The following AGMAT variants were observed in gnomAD, a reference collection of about 807,000 sequenced individuals.
AGMAT encodes the protein agmatinase (putative).
A neutral mutation model predicts 29.3 loss-of-function variants in AGMAT; 37 were observed. The ratio of observed to expected loss-of-function variants is 1.26; its 90% confidence interval spans 0.97 to 1.66. AGMAT has a LOEUF of 1.66. Ranked by LOEUF, AGMAT falls within the 40% of genes most tolerant of loss-of-function variation. The probability of loss-of-function intolerance (pLI) is 0.00; values close to 1 mark genes in which losing one functional copy is unlikely to be tolerated. For missense variants in AGMAT, 498 were observed against 497.8 expected, an observed-to-expected ratio of 1.00 and a Z score of 0.00; for synonymous variants, 199 against 200.8, an observed-to-expected ratio of 0.99 and a Z score of 0.08.
Position 15,584,816 on chromosome 1 carries a change from G to T in AGMAT, c.152C>A (p.Ala51Asp). 7.1e-7 allele frequency: 1 copy of T among 1,411,722 alleles called. No homozygotes were observed. The highest frequency in any genetic ancestry group is 9.2e-7 in the Non-Finnish European group (1 of 1,085,922). The allele number at this position is 1,411,722 out of a possible 1,614,324, so 87.4% of individuals were successfully genotyped here. Residue 51 changes from alanine (A) to aspartate (D), a missense_variant, in exon 1 of 7, where the codon GCC (alanine) becomes GAC (aspartate). Coordinates refer to ENST00000375826, the MANE Select transcript of AGMAT (RefSeq NM_024758.5). ...RNQPPSPEFV[A>D]RPVGVCSMMR... ...CATGGAGCAGACGCCCACCGGCCGGGCCACGAACTCGGGGCTGGGGGGCTG... is the reference window on the plus strand; with the variant it reads ...CATGGAGCAGACGCCCACCGGCCGGTCCACGAACTCGGGGCTGGGGGGCTG...
Position 15,574,818 on chromosome 1 carries a change from A to G in AGMAT, c.924T>C (p.Cys308=), listed in dbSNP as rs750526186. ...CACAGCCCATCACGTTCAGGCCTTG[A>G]CAACCCCTGATGATCTCCAGAGCCT... is the stretch of plus-strand genomic sequence containing the variant. ...PSQALEIIRG[C]QGLNVMGCDL... is the part of the protein sequence containing the mutation. The change falls in exon 6 of 7, where the codon TGT becomes TGC. Residue 308 remains cysteine, a synonymous_variant. Coordinates refer to ENST00000375826, the MANE Select transcript of AGMAT (RefSeq NM_024758.5). 1.2e-6 allele frequency: 2 copies of G among 1,613,982 alleles called. No homozygotes were observed. Among genetic ancestry groups the G allele is most frequent in the Non-Finnish European group, 1.7e-6 (2 of 1,179,846 alleles).
In AGMAT at chr1:15,584,867, C is replaced by A; in HGVS notation, c.101G>T (p.Arg34Leu). Residue 34 changes from arginine to leucine, a missense_variant, in exon 1 of 7, where the codon CGC (arginine) becomes CTC (leucine). Coordinates refer to ENST00000375826, the MANE Select transcript of AGMAT (RefSeq NM_024758.5). ...GLFHPGRRQS[R>L]QASDAPRNQP... ...GTTCCGGGGCGCGTCGGAAGCCTGG[C>A]GGCTCTGGCGGCGCCCCGGATGAAA... The A allele has an allele frequency of 7.1e-7, 1 of 1,409,496 alleles. No individual in the cohort carries two copies. Among genetic ancestry groups the A allele is most frequent in the Non-Finnish European group, 9.2e-7 (1 of 1,087,694 alleles). 87.3% of individuals were successfully genotyped at this position (1,409,496 alleles called of 1,614,324 possible).
intron 6 of AGMAT, 139 bp from the exon 7 acceptor site, chr1:15,573,863 G>C (rs1638995456): frequency 3.1e-6 from 2 of 641,904 alleles, no homozygotes; most frequent in Admixed American, 5.6e-5. Flanking sequence ...GTGCCCGCCA[G>C]CTGTGAACAC....
rs771196431 is a variant in AGMAT at position 15,584,848 on chromosome 1, G to A, written c.120C>T (p.Pro40=). Residue 40 remains proline, a synonymous_variant, in exon 1 of 7, where the codon CCC becomes CCT. Coordinates refer to ENST00000375826, the MANE Select transcript of AGMAT (RefSeq NM_024758.5). ...RRQSRQASDA[P]RNQPPSPEFV... ...ACTCGGGGCTGGGGGGCTGGTTCCG[G>A]GGCGCGTCGGAAGCCTGGCGGCTCT... is the stretch of plus-strand genomic sequence containing the variant. The A allele has an allele frequency of 2.1e-6, 3 of 1,429,124 alleles. No individual in the cohort carries two copies. Among genetic ancestry groups the A allele is most frequent in the Non-Finnish European group, 2.7e-6 (3 of 1,096,620 alleles). The allele number at this position is 1,429,124 out of a possible 1,614,324, so 88.5% of individuals were successfully genotyped here. A position where few individuals can be genotyped will look rare whatever the true frequency, so the allele number is the denominator to read the frequency against.
chr1:15,583,401 G>A lies in AGMAT; in HGVS notation c.273-6C>T. On this transcript the variant is annotated splice_polypyrimidine_tract_variant and splice_region_variant and intron_variant, in intron 1 of 6. Transcript: ENST00000375826. Reference sequence around the variant, plus strand: ...GGATGCGGCGAGGTCCGAATCTGCAGAAGGAAGAATCATCCTGTCAGCCAT... The same window carrying A: ...GGATGCGGCGAGGTCCGAATCTGCAAAAGGAAGAATCATCCTGTCAGCCAT... 1 of 1,608,380 alleles carries A rather than the reference G, an allele frequency of 6.2e-7. No individual in the cohort carries two copies. Among genetic ancestry groups the A allele is most frequent in the Admixed American group, 1.7e-5 (1 of 59,488 alleles).
rs201546181 is a variant in AGMAT at position 15,578,959 on chromosome 1, C to T, written c.620G>A (p.Arg207Gln). The T allele has an allele frequency of 6.2e-6, 10 of 1,614,170 alleles. No individual in the cohort carries two copies. The highest frequency in any genetic ancestry group is 2.7e-5 in the African/African-American group (2 of 75,040). ...GTCCAGGAGACCCTCATCCACACAC[C>T]GGCGGAAGGGCGCCCCGTGGTAGAG... is the stretch of plus-strand genomic sequence containing the variant. ...EKLYHGAPFR[R>Q]CVDEGLLDCK... The change falls in exon 4 of 7, where the codon CGG becomes CAG. Residue 207 changes from arginine to glutamine, a missense_variant. Arg to Gln is a conservative substitution (Grantham distance 43). Coordinates refer to ENST00000375826, the MANE Select transcript of AGMAT (RefSeq NM_024758.5).
intron 3 of AGMAT, 58 bp from the exon 4 acceptor site, chr1:15,579,112 AC>A: frequency 6.5e-7 from 1 of 1,538,680 alleles, no homozygotes; most frequent in Non-Finnish European, 8.8e-7. Flanking sequence ...TAGCACAGCC[AC>A]CCTTCGGGCC....
chr1:15,583,127 C>G, intron 2 of AGMAT, 66 bp downstream of exon 2: 3 of 1,436,462 alleles, frequency 2.1e-6, no homozygotes, highest in Non-Finnish European at 2.8e-6. Context: ...TACTCAAGCC[C>G]CTGAGTACAG....
At chr1:15,573,873 C>G in intron 6 of AGMAT, 149 bp from the exon 7 acceptor site, 1 of 613,240 alleles carries the variant, frequency 1.6e-6, no homozygotes, top group Non-Finnish European at 2.9e-6. Context: ...GCTGTGAACA[C>G]GCTTGCCCAG....
chr1:15,580,815 A>G (rs1639103907), intron 2 of AGMAT, among the ~76,000 whole-genome samples: 1 of 151,950 alleles, frequency 6.6e-6, no homozygotes, highest in African/African-American at 2.4e-5. Flanking sequence ...GTCTCTACTG[A>G]AAATACAAAA....
chr1:15,578,558 G>T (rs1406340253), intron 4 of AGMAT, among the ~76,000 whole-genome samples: 1 of 151,980 alleles, frequency 6.6e-6, no homozygotes, highest in African/African-American at 2.4e-5. Context: ...GCCTCCCAAA[G>T]TGCTGGGATT....
chr1:15,583,227 T>A lies in AGMAT; in HGVS notation c.441A>T (p.Lys147Asn). 6.2e-7 allele frequency: 1 copy of A among 1,614,072 alleles called. No homozygotes were observed. The highest frequency in any genetic ancestry group is 8.5e-7 in the Non-Finnish European group (1 of 1,180,020). The change falls in exon 2 of 7, where the codon AAA becomes AAT. Residue 147 changes from lysine to asparagine, a missense_variant. Coordinates refer to ENST00000375826, the MANE Select transcript of AGMAT (RefSeq NM_024758.5). Reference sequence around the variant, plus strand: ...GAGGAATACAGCCAGCTGCTACAATTTTCTCATAGGCCTCTTGAATTCGCC... The same window carrying A: ...GAGGAATACAGCCAGCTGCTACAATATTCTCATAGGCCTCTTGAATTCGCC... Reference protein sequence around the residue: ...SCRRIQEAYEKIVAAGCIPLT... With the variant: ...SCRRIQEAYENIVAAGCIPLT...
rs761398248 is a variant in AGMAT at position 15,576,516 on chromosome 1, G to A, written c.900+1169C>T. On this transcript the variant is annotated intron_variant, in intron 5 of 6. Coordinates refer to ENST00000375826, the MANE Select transcript of AGMAT (RefSeq NM_024758.5). ...ACGATCTCAGCTCACTGCAACCTCCGCCTCCAGGGTTCAAGCAATTCTCCT... is the reference window on the plus strand; with the variant it reads ...ACGATCTCAGCTCACTGCAACCTCCACCTCCAGGGTTCAAGCAATTCTCCT... Among the ~76,000 whole-genome samples the A allele has an allele frequency of 4.0e-5, 6 of 151,128 alleles. No homozygotes were observed. The South Asian group carries it at 1.0e-3, about 26-fold the overall frequency.
chr1:15,577,065 A>G (rs974745926), intron 5 of AGMAT, among the ~76,000 whole-genome samples: 1 of 151,918 alleles, frequency 6.6e-6, no homozygotes, highest in East Asian at 1.9e-4. Context: ...TAGTGTTCTT[A>G]AGAGAGGATA....
Position 15,581,802 on chromosome 1 carries a change from G to T in AGMAT, c.475+1391C>A, listed in dbSNP as rs1639118741. On this transcript the variant is annotated intron_variant, in intron 2 of 6. Transcript: ENST00000375826. ...AGGCAGGAGAATCACTTGGACCCAG[G>T]AGGCGGAGGTTGCCGTGAGCCAAGC... 1.3e-5 allele frequency among the ~76,000 whole-genome samples: 2 copies of T among 151,950 alleles called. 1 individual carries two copies. Among genetic ancestry groups the T allele is most frequent in the African/African-American group, 4.8e-5 (2 of 41,362 alleles).
In AGMAT at chr1:15,580,089, C is replaced by T; in HGVS notation, c.524+5G>A. 1 of 1,613,236 alleles carries T rather than the reference C, an allele frequency of 6.2e-7. No individual in the cohort carries two copies. Among genetic ancestry groups the T allele is most frequent in the Non-Finnish European group, 8.5e-7 (1 of 1,179,506 alleles). On this transcript the variant is annotated splice_donor_5th_base_variant and intron_variant, in intron 3 of 6. Transcript: ENST00000375826. ...CTTGCTGGGCCCAAGCCATTTGAGA[C>T]TTACTTTTTTGCCATCGCTTGCAAT...
intron 2 of AGMAT, among the ~76,000 whole-genome samples, chr1:15,580,541 G>A (rs1297919946): frequency 6.6e-6 from 1 of 151,946 alleles, no homozygotes; most frequent in East Asian, 1.9e-4. Flanking sequence ...TTTCAGCCTG[G>A]GGGGAGTTAT....
chr1:15,583,218 T>A lies in AGMAT; in HGVS notation c.450A>T (p.Ala150=). ...RIQEAYEKIV[A]AGCIPLTLGG... ...CCAAGGTCAGAGGAATACAGCCAGC[T>A]GCTACAATTTTCTCATAGGCCTCTT... Residue 150 remains alanine (A), a synonymous_variant, in exon 2 of 7, where the codon GCA becomes GCT. Transcript: ENST00000375826. 1 of 1,614,116 alleles carries A rather than the reference T, an allele frequency of 6.2e-7. No homozygotes were observed. Among genetic ancestry groups the A allele is most frequent in the Non-Finnish European group, 8.5e-7 (1 of 1,180,032 alleles).
intron 3 of AGMAT, 117 bp downstream of exon 3, chr1:15,579,977 G>A: frequency 4.4e-6 from 4 of 912,812 alleles, no homozygotes; most frequent in Non-Finnish European, 7.3e-6. Flanking sequence ...TTGATCCCCA[G>A]AAGCAGCTCA....
Sources: allele counts gnomAD v4.1 joint callset (sites outside exome capture counted in the v4.1 genomes callset), GRCh38; gene constraint gnomAD v4.1.1; transcripts MANE v1.5; gene names NCBI Gene and HGNC (gene_info 2026-07-23, HGNC 2026-07-21).